Variants in LRPPRC observed in about 807,000 individuals in gnomAD.
LRPPRC encodes the protein leucine rich pentatricopeptide repeat containing, also known as leucine-rich PPR motif-containing protein, mitochondrial.
Under a neutral mutation model 180.3 loss-of-function variants are expected in LRPPRC, and 120 were observed. That is an observed-to-expected ratio of 0.67 (90% CI 0.57 to 0.77). The LOEUF is 0.77. Among genes scored for constraint, LRPPRC ranks in the 30% least tolerant of loss-of-function variants. LRPPRC has a pLI of 0.00. For missense variants in LRPPRC, 2,012 were observed against 1,657.2 expected, an observed-to-expected ratio of 1.21 and a Z score of -3.72; for synonymous variants, 723 against 600.0, an observed-to-expected ratio of 1.21 and a Z score of -3.00.
intron 30 of LRPPRC, among the ~76,000 whole-genome samples, chr2:43,911,305 T>G (rs924407019): frequency 6.6e-6 from 1 of 151,884 alleles, no homozygotes; most frequent in Non-Finnish European, 1.5e-5. Context: ...CACAGACAAG[T>G]ACAGTCATAC....
intron 20 of LRPPRC, 152 bp downstream of exon 20, chr2:43,947,105 T>C (rs896352996): frequency 1.8e-6 from 1 of 557,608 alleles, no homozygotes. Context: ...AAGGTGTAGC[T>C]GAAATTAGTT....
At position 43,918,810 on chromosome 2, in the gene LRPPRC, GAT is replaced by G. The variant is rs1315193377; in HGVS notation, c.2897-414_2897-413del. 7.8e-3 allele frequency among the ~76,000 whole-genome samples: 949 copies of G among 121,824 alleles called. 12 individuals carry two copies. The highest frequency in any genetic ancestry group is 0.031 in the African/African-American group (851 of 27,486). The allele number at this position is 121,824 out of a possible 152,430, so 79.9% of individuals were successfully genotyped here. On this transcript the variant is annotated intron_variant, in intron 27 of 37. Coordinates refer to ENST00000260665, the MANE Select transcript of LRPPRC (RefSeq NM_133259.4). ...ATATATAGATATATATATATATATA[GAT>G]ATATATATATCTATATATAGATATC...
chr2:43,995,676 G>C, intron 1 of LRPPRC, 123 bp downstream of exon 1: 1 of 946,874 alleles, frequency 1.1e-6, no homozygotes, highest in Non-Finnish European at 1.4e-6. Context: ...AGCCCGGGGA[G>C]GCTAGGTCCT....
intron 1 of LRPPRC, among the ~76,000 whole-genome samples, chr2:43,992,345 C>T (rs1381494394): frequency 6.6e-6 from 1 of 152,176 alleles, no homozygotes; most frequent in African/African-American, 2.4e-5. Flanking sequence ...AACGAGAGCC[C>T]CAGGCAATCA....
At position 43,894,616 on chromosome 2, in the gene LRPPRC, T is replaced by A; in HGVS notation, c.3914A>T (p.Lys1305Ile). 6.4e-7 allele frequency: 1 copy of A among 1,562,052 alleles called. No homozygotes were observed. Among genetic ancestry groups the A allele is most frequent in the Non-Finnish European group, 8.8e-7 (1 of 1,132,866 alleles). Residue 1305 changes from lysine (K) to isoleucine (I), a missense_variant, in exon 36 of 38, where the codon AAA becomes ATA. Lys to Ile is a moderately radical substitution (Grantham distance 102). Transcript: ENST00000260665. ...TTCAGGAATCAATTCTAACACAGATTTCACAGTTGATGCCTAGGAAATTAC... is the reference window on the plus strand; with the variant it reads ...TTCAGGAATCAATTCTAACACAGATATCACAGTTGATGCCTAGGAAATTAC... ...SRKQGKASTVKSVLELIPELN... is the reference protein window; with the variant it reads ...SRKQGKASTVISVLELIPELN...
At position 43,894,580 on chromosome 2, in the gene LRPPRC, T is replaced by C. The variant is rs777662937; in HGVS notation, c.3950A>G (p.Lys1317Arg). 2 of 1,568,208 alleles carry C rather than the reference T, an allele frequency of 1.3e-6. No homozygotes were observed. Among genetic ancestry groups the C allele is most frequent in the Non-Finnish European group, 1.8e-6 (2 of 1,138,528 alleles). The change falls in exon 36 of 38, where the codon AAG becomes AGG. Residue 1317 changes from lysine to arginine, a missense_variant. Lys to Arg is a conservative substitution (Grantham distance 26). Coordinates refer to ENST00000260665, the MANE Select transcript of LRPPRC (RefSeq NM_133259.4). ...CATGAGGGAATTGTATGCTTCTTCC[T>C]TTTCATTTAATTCAGGAATCAATTC... The part of the protein sequence containing the change: ...VLELIPELNE[K>R]EEAYNSLMKS...
chr2:43,959,237 G>C, intron 13 of LRPPRC: 1 of 713,956 alleles, frequency 1.4e-6, no homozygotes, highest in Non-Finnish European at 2.6e-6. Context: ...AGTATACAGA[G>C]TGGAAGGCAA....
At chr2:43,945,256 C>A in intron 22 of LRPPRC, 76 bp downstream of exon 22, 2 of 970,164 alleles carry the variant, frequency 2.1e-6, no homozygotes, top group South Asian at 1.3e-5. Flanking sequence ...ACATGATATC[C>A]ATTAATATCA....
chr2:43,959,352 A>G (rs1673246890), intron 13 of LRPPRC: 1 of 599,622 alleles, frequency 1.7e-6, no homozygotes, highest in African/African-American at 1.9e-5. Flanking sequence ...TTCCCTTACA[A>G]TATTACAACA....
chr2:43,977,322 C>A (rs757690557), intron 3 of LRPPRC, 46 bp from the exon 4 acceptor site: 5 of 1,499,272 alleles, frequency 3.3e-6, no homozygotes, highest in Non-Finnish European at 4.6e-6. Context: ...CATTGAAAAT[C>A]CTATGCTTTA....
At position 43,975,195 on chromosome 2, in the gene LRPPRC, T is replaced by A; in HGVS notation, c.760A>T (p.Ile254Phe). Residue 254 changes from isoleucine to phenylalanine, a missense_variant, in exon 7 of 38, where the codon ATT (isoleucine) becomes TTT (phenylalanine). Ile to Phe is a conservative substitution (Grantham distance 21). Transcript: ENST00000260665. ...RAGDMENAEN[I>F]LTVMRDAGIE... ...CCGGCATCTCTCATCACTGTGAGAA[T>A]GTTTTCTGCATTCTCCATATCACTA... 6.2e-7 allele frequency: 1 copy of A among 1,613,424 alleles called. No individual in the cohort carries two copies. The highest frequency in any genetic ancestry group is 8.5e-7 in the Non-Finnish European group (1 of 1,179,800).
At chr2:43,896,407 C>G (rs1276695864) in intron 35 of LRPPRC, 1 of 422,598 alleles carries the variant, frequency 2.4e-6, no homozygotes, top group East Asian at 4.8e-5. Flanking sequence ...TCTTGGGGCT[C>G]TCAATGCATA....
intron 1 of LRPPRC, among the ~76,000 whole-genome samples, chr2:43,985,058 TAA>T (rs1194413008): frequency 3.5e-5 from 5 of 143,538 alleles, no homozygotes; most frequent in South Asian, 2.2e-4. Context: ...GAATGTCCAT[TAA>T]AAAAAAAAAA....
At chr2:43,900,441 C>T (rs1428592660) in intron 32 of LRPPRC, among the ~76,000 whole-genome samples, 1 of 151,844 alleles carries the variant, frequency 6.6e-6, no homozygotes, top group African/African-American at 2.4e-5. Context: ...TAAGGAATTA[C>T]TTAATAGTGA....
chr2:43,979,900 G>C lies in LRPPRC; in HGVS notation c.395C>G (p.Ser132Cys), dbSNP rs573615074. 1.9e-6 allele frequency: 3 copies of C among 1,613,750 alleles called. No homozygotes were observed. Among genetic ancestry groups the C allele is most frequent in the South Asian group, 1.1e-5 (1 of 91,076 alleles). The change falls in exon 3 of 38, where the codon TCT becomes TGT. Residue 132 changes from serine (S) to cysteine (C), a missense_variant. Ser to Cys is a moderately radical substitution (Grantham distance 112). Transcript: ENST00000260665. Reference protein sequence around the residue: ...HALLLLRSCGSLLPELKLEER... With the variant: ...HALLLLRSCGCLLPELKLEER... ...TTCAAGCTTTAGTTCAGGCAAGAGA[G>C]AACCACAACTACGTAGTAGAAGCAA... is the stretch of plus-strand genomic sequence containing the variant.
chr2:43,959,765 T>A (rs1673262643), intron 13 of LRPPRC, among the ~76,000 whole-genome samples: 1 of 152,106 alleles, frequency 6.6e-6, no homozygotes, highest in African/African-American at 2.4e-5. Context: ...GTGCCTATAA[T>A]CCCAGCTACT....
intron 6 of LRPPRC, among the ~76,000 whole-genome samples, chr2:43,975,628 G>C (rs1674020737): frequency 6.6e-6 from 1 of 151,564 alleles, no homozygotes; most frequent in South Asian, 2.1e-4. Context: ...TGTCTCCCAG[G>C]CTGGAGTGCA....
At chr2:43,911,232 A>C (rs1397180776) in intron 30 of LRPPRC, among the ~76,000 whole-genome samples, 2 of 151,778 alleles carry the variant, frequency 1.3e-5, no homozygotes, top group Non-Finnish European at 2.9e-5. Flanking sequence ...AAAACCCAAC[A>C]GTCCTAGTGC....
At chr2:43,994,995 C>G (rs1027964117) in intron 1 of LRPPRC, among the ~76,000 whole-genome samples, 35 of 152,298 alleles carry the variant, frequency 2.3e-4, no homozygotes, top group African/African-American at 7.7e-4. Flanking sequence ...AATCCCAGCA[C>G]TTTGGGAGGC....
Sources: allele counts gnomAD v4.1 joint callset (sites outside exome capture counted in the v4.1 genomes callset), GRCh38; gene constraint gnomAD v4.1.1; transcripts MANE v1.5; gene names NCBI Gene and HGNC (gene_info 2026-07-23, HGNC 2026-07-21).